Variants in POLG observed in about 807,000 individuals in gnomAD.
The protein encoded by POLG is DNA polymerase subunit gamma-1.
Under a neutral mutation model 155.4 loss-of-function variants are expected in POLG, and 110 were observed. The ratio of observed to expected loss-of-function variants is 0.71; its 90% CI spans 0.61 to 0.83. The LOEUF (loss-of-function observed/expected upper bound fraction) is 0.83. Ranked by LOEUF, POLG falls within the 40% of genes least tolerant of loss-of-function variation. The probability of loss-of-function intolerance (pLI) is 0.00; values close to 1 mark genes in which losing one functional copy is unlikely to be tolerated. For missense variants in POLG, 1,685 were observed against 1,627.5 expected, an observed-to-expected ratio of 1.04 and a Z score of -0.61; for synonymous variants, 701 against 631.5, an observed-to-expected ratio of 1.11 and a Z score of -1.65.
At chr15:89,317,192 A>G in intron 22 of POLG, 184 bp downstream of exon 22, 1 of 635,870 alleles carries the variant, frequency 1.6e-6, no homozygotes, top group Non-Finnish European at 2.8e-6. Context: ...TGCTGCCTTC[A>G]TTTCTGAAAC....
Position 89,321,028 on chromosome 15 carries a change from G to C in POLG, c.2735-16C>G, listed in dbSNP as rs754869938. 1.2e-6 allele frequency: 2 copies of C among 1,614,038 alleles called. No individual in the cohort carries two copies. The highest frequency in any genetic ancestry group is 2.2e-5 in the East Asian group (1 of 44,900). On this transcript the variant is annotated splice_polypyrimidine_tract_variant and intron_variant, in intron 17 of 22. Coordinates refer to ENST00000268124, the MANE Select transcript of POLG (RefSeq NM_002693.3). ...GCTGTGCAGCCTGGAAGACAAGCAG[G>C]AGTGAGAAAAGCAGCTCAGGAACAT... is the stretch of plus-strand genomic sequence containing the variant.
Position 89,317,465 on chromosome 15 carries a change from A to G in POLG, c.3554T>C (p.Ile1185Thr), listed in dbSNP as rs374183622. 3.1e-6 allele frequency: 5 copies of G among 1,614,012 alleles called. No individual in the cohort carries two copies. Among genetic ancestry groups the G allele is most frequent in the Non-Finnish European group, 4.2e-6 (5 of 1,179,988 alleles). Reference protein sequence around the residue: ...QSVAFFSAVDIDRCLRKEVTM... With the variant: ...QSVAFFSAVDTDRCLRKEVTM... The stretch of plus-strand genomic sequence containing the variant: ...CACTTCCTTCCTGAGGCACCGGTCA[A>G]TATCGACTGCACTGAAAAAGGCGAC... The change falls in exon 22 of 23, where the codon ATT (isoleucine) becomes ACT (threonine). Residue 1185 changes from isoleucine to threonine, a missense_variant. This residue lies in a region of POLG where 470 missense variants were observed against 439.9 expected (regional missense o/e 1.07). Transcript: ENST00000268124.
In POLG at chr15:89,317,261, A is replaced by G. The variant is rs41545724; in HGVS notation, c.3643+115T>C. 879 of 868,064 alleles carry G rather than the reference A, an allele frequency of 1.0e-3. 5 individuals are homozygous for G. The African/African-American group carries it at 0.011, about 11-fold the overall frequency. 53.8% of individuals were successfully genotyped at this position (868,064 alleles called of 1,614,324 possible). On this transcript the variant is annotated intron_variant, in intron 22 of 22. Transcript: ENST00000268124. ...TTATAAACTGAAATTAGCCTAGAAT[A>G]TAGCCTGAGTCAAGAGTGGATTCTC...
intron 10 of POLG, among the ~76,000 whole-genome samples, chr15:89,324,741 G>A (rs2055446964): frequency 6.6e-6 from 1 of 152,210 alleles, no homozygotes; most frequent in Non-Finnish European, 1.5e-5. Flanking sequence ...CCAAGCCTTT[G>A]TCAACTACAA....
intron 12 of POLG, 67 bp from the exon 13 acceptor site, chr15:89,323,578 A>C: frequency 9.3e-7 from 1 of 1,070,180 alleles, no homozygotes; most frequent in South Asian, 1.3e-5. Context: ...GCCATGGGGT[A>C]GGGGGTGGGA....
Position 89,333,713 on chromosome 15 carries a change from G to A in POLG, c.42C>T (p.Val14=), listed in dbSNP as rs776837311. The change falls in exon 2 of 23, where the codon GTC becomes GTT. Residue 14 remains valine, a synonymous_variant. Transcript: ENST00000268124. ...LLWRKVAGAT[V]GPGPVPAPGR... ...CCGGAGCTGGAACCGGCCCTGGCCC[G>A]ACGGTGGCGCCGGCCACCTTCCTCC... is the stretch of plus-strand genomic sequence containing the variant. 1.0e-5 allele frequency: 16 copies of A among 1,537,360 alleles called. No individual in the cohort carries two copies. In the South Asian group the frequency reaches 1.9e-4, roughly 18 times the overall value.
Position 89,326,748 on chromosome 15 carries a change from TG to T in POLG, c.1586-11del, listed in dbSNP as rs2055524999. 3 of 1,613,966 alleles carry T rather than the reference TG, an allele frequency of 1.9e-6. No individual in the cohort carries two copies. The highest frequency in any genetic ancestry group is 2.2e-5 in the East Asian group (1 of 44,864). On this transcript the variant is annotated splice_polypyrimidine_tract_variant and intron_variant, in intron 8 of 22. Coordinates refer to ENST00000268124, the MANE Select transcript of POLG (RefSeq NM_002693.3). ...CTGCAGGGGCCGAGGTCTGTGAGGGTGGGGGAAGACAATCAGGAGCAGGAGA... is the reference window on the plus strand; with the variant it reads ...CTGCAGGGGCCGAGGTCTGTGAGGGTGGGGAAGACAATCAGGAGCAGGAGA...
In POLG at chr15:89,323,472, G is replaced by A. The variant is rs780723692; in HGVS notation, c.2197C>T (p.His733Tyr). ...GGPKDTQPSY[H>Y]HGNGPYNDVD... ...TCGTTGTAAGGTCCATTGCCATGGT[G>A]ATAGCTGGGCTGGGTGTCCTTGGGG... The change falls in exon 13 of 23, where the codon CAC becomes TAC. Residue 733 changes from histidine (H) to tyrosine (Y), a missense_variant. Physicochemically the swap from His to Tyr is moderately conservative, Grantham distance 83. This residue lies in a region of POLG where 1,210 missense variants were observed against 1,167.1 expected (regional missense o/e 1.04). Transcript: ENST00000268124. 6.2e-6 allele frequency: 10 copies of A among 1,613,770 alleles called. No homozygotes were observed. The highest frequency in any genetic ancestry group is 3.3e-5 in the South Asian group (3 of 91,074).
chr15:89,317,331 A>ACCTCAGAT, intron 22 of POLG, 45 bp downstream of exon 22: 1 of 1,594,822 alleles, frequency 6.3e-7, no homozygotes, highest in Non-Finnish European at 8.6e-7. Flanking sequence ...TTTCTAGTCC[A>ACCTCAGAT]CCTCAGATCC....
intron 6 of POLG, among the ~76,000 whole-genome samples, chr15:89,327,949 A>G (rs2055544690): frequency 6.6e-6 from 1 of 152,224 alleles, no homozygotes; most frequent in African/African-American, 2.4e-5. Flanking sequence ...TTAAGAATAC[A>G]GTATATAATA....
rs942888935 is a variant in POLG, at chr15:89,325,303, T to C, written c.1949+147A>G. The C allele has an allele frequency of 7.8e-5, 53 of 679,492 alleles. 1 individual carries two copies. In the Admixed American group the frequency reaches 1.1e-3, roughly 14 times the overall value. The allele number at this position is 679,492 out of a possible 1,614,324, so 42.1% of individuals were successfully genotyped here. On this transcript the variant is annotated intron_variant, in intron 10 of 22. Transcript: ENST00000268124. ...GAGAGAAAGAGAGAGAGAGAGGGTGTGTGTGTGTGTGTTAATTTTTTTCCT... is the reference window on the plus strand; with the variant it reads ...GAGAGAAAGAGAGAGAGAGAGGGTGCGTGTGTGTGTGTTAATTTTTTTCCT...
In POLG at chr15:89,330,192, C is replaced by A; in HGVS notation, c.744G>T (p.Glu248Asp). The change falls in exon 3 of 23, where the codon GAG becomes GAT. Residue 248 changes from glutamate (E) to aspartate (D), a missense_variant. Physicochemically the swap from Glu to Asp is conservative, Grantham distance 45. Transcript: ENST00000268124. ...TGGGGCTGCTGGCACCAGTAGGGAC[C>A]TCCAGGGGGATGAGGTCAGCCGGCG... ...QLSPADLIPL[E>D]VPTGASSPTQ... The A allele has an allele frequency of 6.2e-7, 1 of 1,613,804 alleles. No individual in the cohort carries two copies. Among genetic ancestry groups the A allele is most frequent in the Non-Finnish European group, 8.5e-7 (1 of 1,179,962 alleles).
chr15:89,323,761 A>T (rs2055431816), intron 12 of POLG, 54 bp downstream of exon 12: 1 of 1,377,424 alleles, frequency 7.3e-7, no homozygotes, highest in Non-Finnish European at 1.0e-6. Flanking sequence ...GGGCAAGAGG[A>T]AGCCCTTTCC....
chr15:89,333,949 C>T (rs933561454), intron 1 of POLG, 36 bp from the exon 2 acceptor site: 5 of 636,736 alleles, frequency 7.9e-6, no homozygotes, highest in African/African-American at 7.3e-5. Context: ...GTTATTTTAC[C>T]ATATATGTAA....
Position 89,328,552 on chromosome 15 carries a change from G to C in POLG, c.1171-17C>G, listed in dbSNP as rs1331868744. The C allele has an allele frequency of 6.2e-7, 1 of 1,613,104 alleles. No individual in the cohort carries two copies. The highest frequency in any genetic ancestry group is 8.5e-7 in the Non-Finnish European group (1 of 1,179,442). On this transcript the variant is annotated splice_polypyrimidine_tract_variant and intron_variant, in intron 5 of 22. Coordinates refer to ENST00000268124, the MANE Select transcript of POLG (RefSeq NM_002693.3). The stretch of plus-strand genomic sequence containing the variant: ...CATCAGGTCCTGGCACAAGGTGACA[G>C]GAAGGCGCAAGGTGGGCAGCCATCC...
chr15:89,324,336 A>G, intron 10 of POLG, 109 bp from the exon 11 acceptor site: 1 of 1,270,122 alleles, frequency 7.9e-7, no homozygotes, highest in Non-Finnish European at 1.1e-6. Flanking sequence ...CCTCAGAATC[A>G]GCTCTGAGGC....
In POLG at chr15:89,325,107, AGAGAGAGTGAGTGAGT is replaced by A. The variant is rs2055469522; in HGVS notation, c.1949+327_1949+342del. ...GAGAGAGTGAGTGAGTGAGAGAGTG[AGAGAGAGTGAGTGAGT>A]GAGTGAGAGAGTGAGTGAGAGAGTG... On this transcript the variant is annotated intron_variant, in intron 10 of 22. Transcript: ENST00000268124. Among the ~76,000 whole-genome samples, 2 of 36,618 alleles carry A rather than the reference AGAGAGAGTGAGTGAGT, an allele frequency of 5.5e-5. 1 individual carries two copies. The highest frequency in any genetic ancestry group is 1.8e-3 in the South Asian group (2 of 1,132). The allele number at this position is 36,618 out of a possible 152,430, so 24.0% of individuals were successfully genotyped here. A position where few individuals can be genotyped will look rare whatever the true frequency, so the allele number is the denominator to read the frequency against.
intron 20 of POLG, 37 bp downstream of exon 20, chr15:89,318,894 G>A: frequency 1.9e-6 from 3 of 1,612,188 alleles, no homozygotes; most frequent in Non-Finnish European, 2.5e-6. Flanking sequence ...GCCCTCCCTG[G>A]GGCCCCTCTG....
chr15:89,324,189 T>G lies in POLG; in HGVS notation c.1988A>C (p.Gln663Pro). The change falls in exon 11 of 23, where the codon CAG becomes CCG. Residue 663 changes from glutamine to proline, a missense_variant. Gln to Pro is a moderately conservative substitution (Grantham distance 76, BLOSUM62 -1). Around this residue, in one of 3 missense-constraint regions of POLG, gnomAD observed 1,210 missense variants for 1,167.1 expected, o/e 1.04. Coordinates refer to ENST00000268124, the MANE Select transcript of POLG (RefSeq NM_002693.3). ...ESLYRKHCLE[Q>P]GKQQLMPQEA... ...CTGGGGCATCAGCTGCTGCTTCCCC[T>G]GTTCGAGACAGTGCTTCCTGTACAG... is the stretch of plus-strand genomic sequence containing the variant. The G allele has an allele frequency of 6.2e-7, 1 of 1,613,672 alleles. No homozygotes were observed. Among genetic ancestry groups the G allele is most frequent in the South Asian group, 1.1e-5 (1 of 91,086 alleles).
Sources: gnomAD v4.1 joint callset for allele counts (sites outside exome capture counted in the v4.1 genomes callset) on GRCh38, gnomAD v4.1.1 for gene constraint, gnomAD v4.1.1 regional missense constraint, MANE v1.5 for transcripts, NCBI Gene and HGNC (gene_info 2026-07-23, HGNC 2026-07-21) for gene names.